Variants in PRPH2 observed in about 807,000 individuals in gnomAD.
PRPH2 encodes peripherin 2, also known as peripherin-2.
PRPH2 carries 17 observed loss-of-function variants against 31.3 expected under a neutral mutation model. That is an observed-to-expected ratio of 0.54 (90% CI 0.37 to 0.81). The LOEUF is 0.81. PRPH2 is among the 40% of genes least tolerant of loss of function. The pLI is 0.00. For missense variants in PRPH2, 430 were observed against 439.7 expected (o/e 0.98, Z 0.20); for synonymous variants, 165 against 184.4 (o/e 0.89, Z 0.85).
intron 1 of PRPH2, among the ~76,000 whole-genome samples, chr6:42,720,353 C>T (rs1320583775): frequency 1.3e-5 from 2 of 152,088 alleles, no homozygotes; most frequent in African/African-American, 4.8e-5. Context: ...GCTGGTTCTA[C>T]CATCGGCCTC....
chr6:42,716,612 GTTTTTTTT>G (rs145765747), intron 1 of PRPH2, among the ~76,000 whole-genome samples: 3 of 111,570 alleles, frequency 2.7e-5, no homozygotes, highest in Non-Finnish European at 3.6e-5. Context: ...GGTTTGGTTG[GTTTTTTTT>G]TTTTTTTTTT....
chr6:42,716,612 G>GTTTT (rs145765747), intron 1 of PRPH2, among the ~76,000 whole-genome samples: 75 of 111,542 alleles, frequency 6.7e-4, no homozygotes, highest in African/African-American at 1.4e-3. Context: ...GGTTTGGTTG[G>GTTTT]TTTTTTTTTT....
chr6:42,712,430 A>G (rs1015181137), intron 1 of PRPH2, among the ~76,000 whole-genome samples: 1 of 152,210 alleles, frequency 6.6e-6, no homozygotes, highest in East Asian at 1.9e-4. Context: ...AAAAACAACT[A>G]AAGCCTCTTT....
At chr6:42,715,241 A>T (rs1223310583) in intron 1 of PRPH2, among the ~76,000 whole-genome samples, 1 of 151,898 alleles carries the variant, frequency 6.6e-6, no homozygotes, top group Non-Finnish European at 1.5e-5. Context: ...AAACTAAAAA[A>T]GATTAAGACA....
chr6:42,717,475 C>G (rs974610712), intron 1 of PRPH2, among the ~76,000 whole-genome samples: 4 of 151,932 alleles, frequency 2.6e-5, no homozygotes, highest in African/African-American at 9.7e-5. Context: ...CACCTCTTTG[C>G]CATCAGAATC....
chr6:42,704,585 C>T lies in PRPH2; in HGVS notation c.608G>A (p.Arg203Gln), dbSNP rs1478451533. The T allele has an allele frequency of 5.6e-6, 9 of 1,614,040 alleles. No homozygotes were observed. Among genetic ancestry groups the T allele is most frequent in the Admixed American group, 1.7e-5 (1 of 60,002 alleles). ...KDRIKSNVDG[R>Q]YLVDGVPFSC... ...GAAAGGGACGCCGTCCACCAGGTAC[C>T]GCCCATCCACGTTGCTCTTGATTCG... Residue 203 changes from arginine (R) to glutamine (Q), a missense_variant, in exon 2 of 3, where the codon CGG (arginine) becomes CAG (glutamine). Coordinates refer to ENST00000230381, the MANE Select transcript of PRPH2 (RefSeq NM_000322.5).
intron 1 of PRPH2, among the ~76,000 whole-genome samples, chr6:42,712,609 GT>G (rs1761688660): frequency 6.6e-6 from 1 of 151,980 alleles, no homozygotes; most frequent in South Asian, 2.1e-4. Flanking sequence ...TAGGGACGGG[GT>G]TTCACCATGT....
intron 1 of PRPH2, among the ~76,000 whole-genome samples, chr6:42,709,948 A>G (rs1404479896): frequency 1.3e-5 from 2 of 152,062 alleles, no homozygotes; most frequent in Non-Finnish European, 2.9e-5. Flanking sequence ...CATGCACACT[A>G]AGGTGTCTGT....
chr6:42,696,707 T>G lies in PRPH2; in HGVS notation c.*1588A>C, dbSNP rs541501533. ...CGTGGTTCTCAGCACTCTTGAGAGATAGCAAGAGCTCAGGGACCTTTGCCA... is the reference window on the plus strand; with the variant it reads ...CGTGGTTCTCAGCACTCTTGAGAGAGAGCAAGAGCTCAGGGACCTTTGCCA... On this transcript the variant is annotated 3_prime_UTR_variant, in exon 3 of 3. Transcript: ENST00000230381. 2 of 152,208 alleles carry G rather than the reference T, an allele frequency of 1.3e-5. No homozygotes were observed. Among genetic ancestry groups the G allele is most frequent in the African/African-American group, 2.4e-5 (1 of 41,448 alleles). 9.4% of individuals were successfully genotyped at this position (152,208 alleles called of 1,614,324 possible). A position where few individuals can be genotyped will look rare whatever the true frequency, so the allele number is the denominator to read the frequency against.
chr6:42,713,936 A>G (rs968908635), intron 1 of PRPH2, among the ~76,000 whole-genome samples: 2 of 149,938 alleles, frequency 1.3e-5, no homozygotes, highest in Non-Finnish European at 3.0e-5. Context: ...AAAAAAAAAA[A>G]AAAAAAAAAA....
At chr6:42,700,054 G>T (rs995232949) in intron 2 of PRPH2, among the ~76,000 whole-genome samples, 4 of 150,304 alleles carry the variant, frequency 2.7e-5, no homozygotes, top group Non-Finnish European at 4.4e-5. Flanking sequence ...CGCCTCCCGG[G>T]TTCAAGCAAG....
At chr6:42,713,748 C>T (rs953559234) in intron 1 of PRPH2, among the ~76,000 whole-genome samples, 1 of 151,556 alleles carries the variant, frequency 6.6e-6, no homozygotes, top group African/African-American at 2.4e-5. Context: ...TGGAGAAACC[C>T]CGTCTCTAGA....
In PRPH2 at chr6:42,709,052, C is replaced by T. The variant is rs115812271; in HGVS notation, c.582-4441G>A. On this transcript the variant is annotated intron_variant, in intron 1 of 2. Coordinates refer to ENST00000230381, the MANE Select transcript of PRPH2 (RefSeq NM_000322.5). ...GCCACACAAGAAGTCGGGGTCCAGC[C>T]GGGCGCGGTGGCTCACGCCTGTAAT... Among the ~76,000 whole-genome samples the T allele has an allele frequency of 5.2e-3, 799 of 152,218 alleles. 6 individuals are homozygous for T. Among genetic ancestry groups the T allele is most frequent in the African/African-American group, 0.018 (730 of 41,532 alleles).
In PRPH2 at chr6:42,705,599, AATATATATAT is replaced by A. The variant is rs1194169404; in HGVS notation, c.582-998_582-989del. 6.8e-3 allele frequency among the ~76,000 whole-genome samples: 147 copies of A among 21,504 alleles called. 1 individual carries two copies. Among genetic ancestry groups the A allele is most frequent in the South Asian group, 0.023 (14 of 620 alleles). 14.1% of individuals were successfully genotyped at this position (21,504 alleles called of 152,430 possible). On this transcript the variant is annotated intron_variant, in intron 1 of 2. Coordinates refer to ENST00000230381, the MANE Select transcript of PRPH2 (RefSeq NM_000322.5). ...TAAAAAAAAAAAAAAAAAAAAAAAA[AATATATATAT>A]ATATATATATATATATATATATTTG...
chr6:42,715,247 A>G (rs1374274112), intron 1 of PRPH2, among the ~76,000 whole-genome samples: 1 of 152,114 alleles, frequency 6.6e-6, no homozygotes, highest in East Asian at 1.9e-4. Flanking sequence ...AAAAAGATTA[A>G]GACAAAAACT....
chr6:42,711,914 C>T, intron 1 of PRPH2: 11 of 985,412 alleles, frequency 1.1e-5, no homozygotes, highest in Non-Finnish European at 1.3e-5. Context: ...CACCCCAAGA[C>T]ACTGCAGCTC....
At chr6:42,706,470 T>A in intron 1 of PRPH2, among the ~76,000 whole-genome samples, 1 of 150,464 alleles carries the variant, frequency 6.6e-6, no homozygotes. Flanking sequence ...CCAGGCGTTG[T>A]GGTGCATGCC....
intron 1 of PRPH2, among the ~76,000 whole-genome samples, chr6:42,712,247 A>G (rs945290467): frequency 1.3e-5 from 2 of 152,212 alleles, no homozygotes; most frequent in Non-Finnish European, 1.5e-5. Context: ...CAGGAAACCA[A>G]ACAACCAAAT....
chr6:42,720,820 T>C (rs1276935198), intron 1 of PRPH2, among the ~76,000 whole-genome samples: 1 of 152,182 alleles, frequency 6.6e-6, no homozygotes, highest in Non-Finnish European at 1.5e-5. Flanking sequence ...GGCTGCCCTT[T>C]CCCTGAAAAG....
Sources: allele counts gnomAD v4.1 joint callset (sites outside exome capture counted in the v4.1 genomes callset), GRCh38; gene constraint gnomAD v4.1.1; transcripts MANE v1.5; gene names NCBI Gene and HGNC (gene_info 2026-07-23, HGNC 2026-07-21).